The following TMEM243 variants were observed in gnomAD, a reference collection of about 807,000 sequenced individuals.
TMEM243 encodes transmembrane protein 243.
TMEM243 carries 20 observed loss-of-function variants against 15.0 expected under a neutral mutation model. The ratio of observed to expected loss-of-function variants is 1.33; its 90% CI spans 0.94 to 1.93. The LOEUF is 1.93. TMEM243 is among the 30% of genes most tolerant of loss of function. The pLI is 0.00. For missense variants in TMEM243, 156 were observed against 142.1 expected, an observed-to-expected ratio of 1.10 and a Z score of -0.50; for synonymous variants, 72 against 52.7, an observed-to-expected ratio of 1.37 and a Z score of -1.59.
intron 1 of TMEM243, among the ~76,000 whole-genome samples, chr7:87,206,269 A>G (rs557528829): frequency 3.9e-5 from 6 of 152,290 alleles, no homozygotes; most frequent in East Asian, 3.9e-4. Context: ...CCATATCATC[A>G]TCCTTCAGAA....
At position 87,197,930 on chromosome 7, in the gene TMEM243, A is replaced by G; in HGVS notation, c.234+11T>C. 3.1e-6 allele frequency: 5 copies of G among 1,613,088 alleles called. No homozygotes were observed. Among genetic ancestry groups the G allele is most frequent in the Non-Finnish European group, 4.2e-6 (5 of 1,179,406 alleles). On this transcript the variant is annotated intron_variant, in intron 3 of 3. Coordinates refer to ENST00000257637, the MANE Select transcript of TMEM243 (RefSeq NM_024315.4). ...CTCAAGAACACTGTTTAAATTCTCAACAGTACTTACAAGTATGCAGGCAGT... is the reference window on the plus strand; with the variant it reads ...CTCAAGAACACTGTTTAAATTCTCAGCAGTACTTACAAGTATGCAGGCAGT...
At chr7:87,198,820 G>T (rs1251023156) in intron 2 of TMEM243, 187 bp downstream of exon 2, 3 of 547,354 alleles carry the variant, frequency 5.5e-6, no homozygotes, top group Non-Finnish European at 9.6e-6. Context: ...TGTCTGACTT[G>T]TACCATTTCA....
Position 87,198,050 on chromosome 7 carries a change from A to G in TMEM243, c.130-5T>C. The G allele has an allele frequency of 1.2e-6, 2 of 1,610,408 alleles. No homozygotes were observed. Among genetic ancestry groups the G allele is most frequent in the Non-Finnish European group, 1.7e-6 (2 of 1,177,806 alleles). ...AAAAGCACTTATCAGCGTTACCTGTATGAAGAGAAATTATGTAAGGCCTTA... is the reference window on the plus strand; with the variant it reads ...AAAAGCACTTATCAGCGTTACCTGTGTGAAGAGAAATTATGTAAGGCCTTA... On this transcript the variant is annotated splice_polypyrimidine_tract_variant and splice_region_variant and intron_variant, in intron 2 of 3. Coordinates refer to ENST00000257637, the MANE Select transcript of TMEM243 (RefSeq NM_024315.4).
intron 1 of TMEM243, chr7:87,199,360 T>C (rs918811613): frequency 3.7e-5 from 11 of 299,222 alleles, no homozygotes; most frequent in Middle Eastern, 9.3e-4. Context: ...CTGCTGAGGA[T>C]AGCATAAGCC....
upstream of TMEM243, chr7:87,220,534 C>A (rs1314809823): frequency 2.6e-5 from 4 of 152,318 alleles, no homozygotes; most frequent in African/African-American, 9.6e-5. Flanking sequence ...CTCCCGGCTC[C>A]TTCTCAGGTC....
At position 87,196,753 on chromosome 7, in the gene TMEM243, GTAGATC is replaced by G. The variant is rs1314720055; in HGVS notation, c.235-1_239del. The G allele has an allele frequency of 6.5e-7, 1 of 1,547,170 alleles. No homozygotes were observed. The highest frequency in any genetic ancestry group is 8.8e-7 in the Non-Finnish European group (1 of 1,138,774). Reference sequence around the variant, plus strand: ...GTTCTAAGTCTCCTTGTCGATACCAGTAGATCTAAAAGAAGAATTAAAGTTTATAAA... The same window carrying G: ...GTTCTAAGTCTCCTTGTCGATACCAGTAAAAGAAGAATTAAAGTTTATAAA... On this transcript the variant is annotated splice_acceptor_variant and coding_sequence_variant, in exon 4 of 4. Coordinates refer to ENST00000257637, the MANE Select transcript of TMEM243 (RefSeq NM_024315.4). LOFTEE classifies it high-confidence loss of function.
intron 1 of TMEM243, among the ~76,000 whole-genome samples, chr7:87,215,743 G>T (rs1217923564): frequency 1.3e-5 from 2 of 152,174 alleles, no homozygotes; most frequent in Admixed American, 1.3e-4. Flanking sequence ...ATTCAAACTA[G>T]GATTCATAAG....
intron 1 of TMEM243, among the ~76,000 whole-genome samples, chr7:87,200,299 G>A (rs967163607): frequency 2.0e-5 from 3 of 152,132 alleles, no homozygotes; most frequent in African/African-American, 7.2e-5. Flanking sequence ...ATCTTACCAC[G>A]ACCTCAGCTA....
chr7:87,211,341 G>A (rs1802730740), intron 1 of TMEM243, among the ~76,000 whole-genome samples: 1 of 152,150 alleles, frequency 6.6e-6, no homozygotes, highest in Admixed American at 6.5e-5. Context: ...GTCTTCTCCT[G>A]GGATGGGGAA....
At position 87,198,043 on chromosome 7, in the gene TMEM243, T is replaced by TA; in HGVS notation, c.131dup (p.Thr45AsnfsTer28). The TA allele has an allele frequency of 6.2e-7, 1 of 1,611,850 alleles. No individual in the cohort carries two copies. Among genetic ancestry groups the TA allele is most frequent in the East Asian group, 2.2e-5 (1 of 44,774 alleles). On this transcript the variant is annotated frameshift_variant and splice_region_variant, in exon 3 of 4. Transcript: ENST00000257637. LOFTEE classifies it high-confidence loss of function. ...GGAAAACAAAAGCACTTATCAGCGT[T>TA]ACCTGTATGAAGAGAAATTATGTAA...
chr7:87,210,496 G>A (rs188194046), intron 1 of TMEM243, among the ~76,000 whole-genome samples: 1 of 152,222 alleles, frequency 6.6e-6, no homozygotes, highest in Non-Finnish European at 1.5e-5. Flanking sequence ...TACAATGGGG[G>A]TTACAGGCAT....
At chr7:87,202,206 G>T (rs1416137260) in intron 1 of TMEM243, among the ~76,000 whole-genome samples, 1 of 152,114 alleles carries the variant, frequency 6.6e-6, no homozygotes, top group East Asian at 1.9e-4. Context: ...GAGTTCAGGA[G>T]GGCACTAAGA....
At chr7:87,198,949 G>T in intron 2 of TMEM243, 58 bp downstream of exon 2, 1 of 1,441,596 alleles carries the variant, frequency 6.9e-7, no homozygotes, top group Non-Finnish European at 9.3e-7. Context: ...AACCATAATT[G>T]ATAAAGTTTT....
chr7:87,197,899 T>TA (rs1317245275), intron 3 of TMEM243, 42 bp downstream of exon 3: 3 of 1,612,304 alleles, frequency 1.9e-6, no homozygotes, highest in South Asian at 2.2e-5. Flanking sequence ...CATTGCAACT[T>TA]AAACCCTCAA....
chr7:87,209,661 CGA>C (rs753307992), intron 1 of TMEM243, among the ~76,000 whole-genome samples: 401 of 10,678 alleles, frequency 0.038, 18 homozygotes, highest in African/African-American at 0.23. Flanking sequence ...AGAGACAGAG[CGA>C]GAGAGAGCGA....
chr7:87,196,676 C>G lies in TMEM243; in HGVS notation c.317G>C (p.Cys106Ser). 1 of 1,610,548 alleles carries G rather than the reference C, an allele frequency of 6.2e-7. No individual in the cohort carries two copies. The highest frequency in any genetic ancestry group is 8.5e-7 in the Non-Finnish European group (1 of 1,178,274). The change falls in exon 4 of 4, where the codon TGT becomes TCT. Residue 106 changes from cysteine (C) to serine (S), a missense_variant. Coordinates refer to ENST00000257637, the MANE Select transcript of TMEM243 (RefSeq NM_024315.4). ...YYIIFSIIML[C>S]ICANLYFHDV... The stretch of plus-strand genomic sequence containing the variant: ...ATGGAAGTACAGGTTTGCACATATA[C>G]ACAACATGATGATAGAAAATATGAT...
intron 3 of TMEM243, 39 bp from the exon 4 acceptor site, chr7:87,196,797 A>G (rs1432052622): frequency 1.4e-6 from 2 of 1,405,692 alleles, no homozygotes; most frequent in African/African-American, 1.5e-5. Context: ...AAAATTTGAA[A>G]TATAACATTT....
At chr7:87,204,449 A>G (rs1297591110) in intron 1 of TMEM243, among the ~76,000 whole-genome samples, 1 of 152,224 alleles carries the variant, frequency 6.6e-6, no homozygotes, top group African/African-American at 2.4e-5. Flanking sequence ...AGACAAGTCC[A>G]CCTATGAGTC....
intron 3 of TMEM243, 107 bp downstream of exon 3, chr7:87,197,834 A>G (rs1801449934): frequency 1.9e-6 from 3 of 1,571,688 alleles, no homozygotes; most frequent in East Asian, 2.4e-5. Context: ...GGATGAGGAT[A>G]TAATTAAGAG....
Sources: gnomAD v4.1 joint callset for allele counts (sites outside exome capture counted in the v4.1 genomes callset) on GRCh38, gnomAD v4.1.1 for gene constraint, MANE v1.5 for transcripts, NCBI Gene and HGNC (gene_info 2026-07-23, HGNC 2026-07-21) for gene names.